RPH3A: variants seen among roughly 807,000 people sequenced by gnomAD.
RPH3A encodes the protein rabphilin 3A, also known as rabphilin-3A.
Under a neutral mutation model 102.2 loss-of-function variants are expected in RPH3A, and 48 were observed. The ratio of observed to expected loss-of-function variants is 0.47; its 90% CI spans 0.37 to 0.60. The LOEUF is 0.60. Ranked by LOEUF, RPH3A falls within the 20% of genes least tolerant of loss-of-function variation. The pLI is 0.00. For missense variants in RPH3A, 781 were observed against 910.1 expected (o/e 0.86, Z 1.83); for synonymous variants, 310 against 324.3 (o/e 0.96, Z 0.47).
chr12:112,710,640 G>A lies in RPH3A; in HGVS notation c.-139-81503G>A, dbSNP rs146223870. On this transcript the variant is annotated intron_variant, in intron 1 of 21. Coordinates refer to the RPH3A transcript ENST00000543106. Reference sequence around the variant, plus strand: ...ACTCCACTTGTACATAACAAATGAGGCAGTTTTGCCTGGAGCTTAACATAC... The same window carrying A: ...ACTCCACTTGTACATAACAAATGAGACAGTTTTGCCTGGAGCTTAACATAC... Among the ~76,000 whole-genome samples the A allele has an allele frequency of 3.3e-5, 5 of 152,262 alleles. No individual in the cohort carries two copies. In the East Asian group the frequency reaches 7.7e-4, roughly 24 times the overall value.
At chr12:112,845,831 TA>T (rs2042219566) in intron 4 of RPH3A, among the ~76,000 whole-genome samples, 1 of 152,100 alleles carries the variant, frequency 6.6e-6, no homozygotes, top group Non-Finnish European at 1.5e-5. Context: ...AGAAAAAATT[TA>T]AAAGATAACT....
chr12:112,789,071 C>G (rs756327292), upstream of RPH3A, among the ~76,000 whole-genome samples: 2 of 152,118 alleles, frequency 1.3e-5, no homozygotes, highest in Non-Finnish European at 2.9e-5. Context: ...GGCATGAGAA[C>G]GTCTTGAATC....
rs765734866 is a variant in RPH3A, at chr12:112,876,738, G to A, written c.1043G>A (p.Arg348Gln). ...GYPAVGARED[R>Q]MSHPSGPYSQ... ...CCAGCAGTTGGAGCCAGAGAGGACC[G>A]AATGAGCCACCCCTCCGGACCCTAT... Residue 348 changes from arginine to glutamine, a missense_variant, in exon 13 of 22, where the codon CGA (arginine) becomes CAA (glutamine). Arg to Gln is a conservative substitution (Grantham distance 43, BLOSUM62 1). Coordinates refer to ENST00000389385, the MANE Select transcript of RPH3A (RefSeq NM_001143854.2). 1.5e-5 allele frequency: 24 copies of A among 1,613,240 alleles called. No individual in the cohort carries two copies. Among genetic ancestry groups the A allele is most frequent in the Non-Finnish European group, 1.8e-5 (21 of 1,179,694 alleles).
At chr12:112,596,527 C>T (rs1029610092) in intron 1 of RPH3A, among the ~76,000 whole-genome samples, 6 of 152,152 alleles carry the variant, frequency 3.9e-5, no homozygotes, top group Non-Finnish European at 5.9e-5. Context: ...CATTGTAAAT[C>T]GGGTGACTGG....
At chr12:112,878,703 A>G (rs2042851255) in intron 13 of RPH3A, among the ~76,000 whole-genome samples, 1 of 152,248 alleles carries the variant, frequency 6.6e-6, no homozygotes, top group Non-Finnish European at 1.5e-5. Context: ...GAAGGTGCCA[A>G]CCATGTAAGG....
chr12:112,680,441 C>G (rs1199081978), intron 1 of RPH3A, among the ~76,000 whole-genome samples: 1 of 152,116 alleles, frequency 6.6e-6, no homozygotes, highest in African/African-American at 2.4e-5. Flanking sequence ...TTCCAACCAC[C>G]CTGGGAATGA....
At position 112,875,170 on chromosome 12, in the gene RPH3A, G is replaced by T. The variant is rs2042773425; in HGVS notation, c.883G>T (p.Gly295Trp). The T allele has an allele frequency of 6.3e-7, 1 of 1,597,650 alleles. No individual in the cohort carries two copies. The highest frequency in any genetic ancestry group is 8.5e-7 in the Non-Finnish European group (1 of 1,172,684). ...SPAPPQPGQP[G>W]TPGGSRPGPG... ...AGCGCCACCTCAGCCTGGGCAGCCA[G>T]GTACCTGCCACTCACCTGCTAGCAC... The change falls in exon 11 of 22, where the codon GGG becomes TGG. Residue 295 changes from glycine to tryptophan, a missense_variant and splice_region_variant. Gly to Trp is a radical substitution (Grantham distance 184). Around this residue, in one of 2 missense-constraint regions of RPH3A, gnomAD observed 730 missense variants for 810.0 expected, o/e 0.90. Transcript: ENST00000389385.
chr12:112,776,302 CA>C (rs1458446927), intron 1 of RPH3A, among the ~76,000 whole-genome samples: 2 of 152,156 alleles, frequency 1.3e-5, no homozygotes, highest in South Asian at 4.2e-4. Context: ...GAAACCACTA[CA>C]AAAAACCCCC....
In RPH3A at chr12:112,791,821, C is replaced by A. The variant is rs573573810; in HGVS notation, c.-331C>A. 2 of 136,220 alleles carry A rather than the reference C, an allele frequency of 1.5e-5. No homozygotes were observed. Among genetic ancestry groups the A allele is most frequent in the East Asian group, 2.2e-4 (1 of 4,524 alleles). 8.4% of individuals were successfully genotyped at this position (136,220 alleles called of 1,614,324 possible). ...GGGGAAGCAATTGATTCGTCTACTG[C>A]CAGCAGCCCGGAGTTGCCTACGCGG... On this transcript the variant is annotated 5_prime_UTR_variant, in exon 1 of 22. Coordinates refer to ENST00000389385, the MANE Select transcript of RPH3A (RefSeq NM_001143854.2).
chr12:112,793,997 G>A (rs1366650707), intron 2 of RPH3A, among the ~76,000 whole-genome samples: 1 of 152,090 alleles, frequency 6.6e-6, no homozygotes, highest in Non-Finnish European at 1.5e-5. Flanking sequence ...AGCCCAGCTG[G>A]GATAGCTAAT....
chr12:112,773,382 C>T (rs866066778), intron 1 of RPH3A, among the ~76,000 whole-genome samples: 1 of 152,040 alleles, frequency 6.6e-6, no homozygotes, highest in African/African-American at 2.4e-5. Flanking sequence ...TTTTCCATTA[C>T]AGGGCCTGAC....
intron 1 of RPH3A, among the ~76,000 whole-genome samples, chr12:112,614,243 G>A (rs1412666510): frequency 6.6e-6 from 1 of 152,160 alleles, no homozygotes; most frequent in Non-Finnish European, 1.5e-5. Context: ...TGTCACAGCA[G>A]CAATGGGAAA....
At chr12:112,804,292 A>G (rs933382207) in intron 2 of RPH3A, among the ~76,000 whole-genome samples, 2 of 152,206 alleles carry the variant, frequency 1.3e-5, no homozygotes, top group African/African-American at 4.8e-5. Context: ...GGAAAAAAGC[A>G]GATGGTGAAT....
intron 1 of RPH3A, among the ~76,000 whole-genome samples, chr12:112,775,989 A>G (rs979773044): frequency 3.3e-5 from 5 of 151,952 alleles, no homozygotes; most frequent in African/African-American, 1.2e-4. Context: ...GGTGAGGGAG[A>G]AATGAAAGGA....
chr12:112,756,059 C>A (rs888630663), intron 1 of RPH3A, among the ~76,000 whole-genome samples: 3 of 151,994 alleles, frequency 2.0e-5, no homozygotes, highest in African/African-American at 7.3e-5. Context: ...TAATTAATAA[C>A]AATTTATTGT....
At chr12:112,599,797 T>C (rs976973686) in intron 1 of RPH3A, among the ~76,000 whole-genome samples, 74 of 152,216 alleles carry the variant, frequency 4.9e-4, no homozygotes, top group African/African-American at 1.7e-3. Flanking sequence ...GCAGTGTTTC[T>C]TAAACTTTCT....
rs145915703 is a variant in RPH3A, at chr12:112,735,446, G to T, written c.-139-56697G>T. ...CTTCTTACCTCCCTCATTAAACCTA[G>T]CAGAAAAAAGCCTCTTCCAGATAAA... On this transcript the variant is annotated intron_variant, in intron 1 of 21. Transcript: ENST00000543106. 8.6e-4 allele frequency among the ~76,000 whole-genome samples: 131 copies of T among 152,326 alleles called. No individual in the cohort carries two copies. The East Asian group carries it at 0.024, about 28-fold the overall frequency.
chr12:112,747,323 T>C (rs1218901512), intron 1 of RPH3A, among the ~76,000 whole-genome samples: 1 of 152,180 alleles, frequency 6.6e-6, no homozygotes, highest in African/African-American at 2.4e-5. Flanking sequence ...TTCCACCATG[T>C]GAGGACACAG....
intron 1 of RPH3A, chr12:112,591,746 A>G (rs2039480595): frequency 6.6e-6 from 1 of 152,240 alleles, no homozygotes; most frequent in African/African-American, 2.4e-5. Flanking sequence ...ATAACTCAGT[A>G]GAACTCCTCA....
Sources: allele counts gnomAD v4.1 joint callset (sites outside exome capture counted in the v4.1 genomes callset), GRCh38; gene constraint gnomAD v4.1.1; regional missense constraint gnomAD v4.1.1; transcripts MANE v1.5; gene names NCBI Gene and HGNC (gene_info 2026-07-23, HGNC 2026-07-21).